Variants in SPATA31H1 observed in about 807,000 individuals in gnomAD.
SPATA31H1 encodes spermatogenesis-associated protein 31H1.
the SPATA31H1 span, among the ~76,000 whole-genome samples, chr2:27,545,762 C>T: frequency 6.6e-6 from 1 of 151,744 alleles, no homozygotes; most frequent in East Asian, 1.9e-4. Context: ...GGGGTTTCAC[C>T]ATGTTGGCCA....
chr2:27,550,719 G>A, the SPATA31H1 span, among the ~76,000 whole-genome samples: 3 of 151,590 alleles, frequency 2.0e-5, no homozygotes, highest in East Asian at 3.9e-4. Context: ...GCGCCTGGCT[G>A]GGTGATAAAT....
chr2:27,565,935 G>C, the SPATA31H1 span: 2 of 692,904 alleles, frequency 2.9e-6, no homozygotes, highest in Non-Finnish European at 5.4e-6. Context: ...TTATGATCTT[G>C]GGTATAACTT....
chr2:27,553,748 C>G, the SPATA31H1 span, among the ~76,000 whole-genome samples: 2 of 145,864 alleles, frequency 1.4e-5, no homozygotes, highest in African/African-American at 5.0e-5. Flanking sequence ...ATGGTGAAAC[C>G]CTGTCTGTAC....
the SPATA31H1 span, chr2:27,569,938 G>A: frequency 2.5e-6 from 1 of 398,822 alleles, no homozygotes; most frequent in Non-Finnish European, 4.4e-6. Context: ...CCACATTATG[G>A]TGTGAAATCT....
chr2:27,542,513 T>C, the SPATA31H1 span, among the ~76,000 whole-genome samples: 1 of 152,062 alleles, frequency 6.6e-6, no homozygotes, highest in Non-Finnish European at 1.5e-5. Context: ...GAATATTTGA[T>C]ATATTTGACA....
the SPATA31H1 span, chr2:27,571,471 A>C: frequency 3.8e-5 from 15 of 398,398 alleles, no homozygotes; most frequent in Non-Finnish European, 5.8e-5. Flanking sequence ...AAATCTGTGG[A>C]GTTGACTCCA....
the SPATA31H1 span, chr2:27,566,141 G>A: frequency 1.4e-6 from 1 of 717,162 alleles, no homozygotes; most frequent in Admixed American, 2.0e-5. Context: ...GATAAATTCT[G>A]TGAAAGTTAG....
At chr2:27,579,407 G>T in the SPATA31H1 span, 1 of 1,614,160 alleles carries the variant, frequency 6.2e-7, no homozygotes. Context: ...TGCCAGAGAA[G>T]GGTCCAGTTA....
chr2:27,552,668 C>T, the SPATA31H1 span, among the ~76,000 whole-genome samples: 4 of 151,930 alleles, frequency 2.6e-5, no homozygotes, highest in South Asian at 8.3e-4. Context: ...CTGTAGATTG[C>T]TTTGGGGAAT....
the SPATA31H1 span, among the ~76,000 whole-genome samples, chr2:27,547,144 A>G: frequency 7.3e-4 from 111 of 151,406 alleles, 1 homozygote; most frequent in Non-Finnish European, 1.3e-3. Flanking sequence ...GTAGTGACTT[A>G]AAATTTGGTA....
At chr2:27,578,512 C>G in the SPATA31H1 span, 1 of 1,614,044 alleles carries the variant, frequency 6.2e-7, no homozygotes, top group South Asian at 1.1e-5. Flanking sequence ...ATAGTACCTG[C>G]AGAATTAACT....
chr2:27,569,829 T>C, the SPATA31H1 span: 41 of 398,808 alleles, frequency 1.0e-4, no homozygotes, highest in Non-Finnish European at 1.5e-4. Flanking sequence ...ATCTTCTGAA[T>C]TGACCTCAGG....
the SPATA31H1 span, among the ~76,000 whole-genome samples, chr2:27,546,375 GT>G: frequency 1.3e-5 from 2 of 151,476 alleles, no homozygotes; most frequent in Non-Finnish European, 2.9e-5. Flanking sequence ...TTTGTGTATG[GT>G]GTGAGGTAGG....
At chr2:27,539,657 C>G in the SPATA31H1 span, among the ~76,000 whole-genome samples, 1 of 106,184 alleles carries the variant, frequency 9.4e-6, no homozygotes, top group African/African-American at 3.7e-5. Context: ...GGGCCGTGGC[C>G]GGGCAGAGGG....
chr2:27,556,451 A>G, the SPATA31H1 span, among the ~76,000 whole-genome samples: 1 of 147,770 alleles, frequency 6.8e-6, no homozygotes, highest in Non-Finnish European at 1.5e-5. Context: ...TCCTTCTGGG[A>G]CTCCTATTAC....
the SPATA31H1 span, chr2:27,567,737 C>T: frequency 2.0e-5 from 8 of 398,866 alleles, no homozygotes; most frequent in East Asian, 2.1e-4. Context: ...AGGAGAGGGT[C>T]ATAGGTTTTC....
chr2:27,577,508 T>C, the SPATA31H1 span: 1 of 1,614,092 alleles, frequency 6.2e-7, no homozygotes, highest in African/African-American at 1.3e-5. This position sits in a 1 kb window ranked among gnomAD's most constrained non-coding sequence, Gnocchi z 4.5. Flanking sequence ...CAAGGCTCTG[T>C]CCTCAAAACT....
At chr2:27,563,358 A>C in the SPATA31H1 span, among the ~76,000 whole-genome samples, 1 of 142,142 alleles carries the variant, frequency 7.0e-6, no homozygotes, top group Non-Finnish European at 1.5e-5. Flanking sequence ...TAGTTATTCA[A>C]ACTGTTTTCT....
chr2:27,564,460 C>G, the SPATA31H1 span, among the ~76,000 whole-genome samples: 1 of 152,128 alleles, frequency 6.6e-6, no homozygotes, highest in Non-Finnish European at 1.5e-5. Context: ...TTTCAATTTT[C>G]TCCTTAATTT....
Sources: allele counts gnomAD v4.1 joint callset (sites outside exome capture counted in the v4.1 genomes callset), GRCh38; gene constraint gnomAD v4.1.1; non-coding constraint Gnocchi (gnomAD v3.1); transcripts MANE v1.5; gene names NCBI Gene and HGNC (gene_info 2026-07-23, HGNC 2026-07-21).